ZMYM2: variants seen among roughly 807,000 people sequenced by gnomAD.
ZMYM2 encodes the protein zinc finger MYM-type protein 2.
ZMYM2 carries 56 observed loss-of-function variants against 162.8 expected under a neutral mutation model. The ratio of observed to expected loss-of-function variants is 0.34; its 90% CI spans 0.28 to 0.43. The LOEUF (loss-of-function observed/expected upper bound fraction) is 0.43, where lower values mean the gene tolerates loss of function less well. ZMYM2 is among the 20% of genes least tolerant of loss of function. The probability of loss-of-function intolerance (pLI) is 1.00; values close to 1 mark genes in which losing one functional copy is unlikely to be tolerated. For missense variants in ZMYM2, 1,275 were observed against 1,621.8 expected (o/e 0.79, Z 3.67); for synonymous variants, 510 against 541.6 (o/e 0.94, Z 0.81).
At chr13:19,986,104 C>T (rs1054986740) in intron 2 of ZMYM2, among the ~76,000 whole-genome samples, 6 of 151,502 alleles carry the variant, frequency 4.0e-5, no homozygotes, top group African/African-American at 7.3e-5. Context: ...CAGGAGGATC[C>T]GTTGAGTCCA....
the ZMYM2 span, among the ~76,000 whole-genome samples, chr13:19,875,355 C>T: frequency 7.9e-5 from 12 of 152,102 alleles, no homozygotes; most frequent in Admixed American, 2.6e-4. Flanking sequence ...TATTGCTGGG[C>T]GCAGCGGCTC....
chr13:19,941,193 C>T, the ZMYM2 span, among the ~76,000 whole-genome samples: 1 of 151,742 alleles, frequency 6.6e-6, no homozygotes, highest in Non-Finnish European at 1.5e-5. Context: ...CCTGTGGTCC[C>T]AGCTACTTGG....
intron 24 of ZMYM2, among the ~76,000 whole-genome samples, chr13:20,085,198 A>G (rs981454926): frequency 7.2e-5 from 11 of 152,150 alleles, no homozygotes; most frequent in Non-Finnish European, 1.5e-4. Flanking sequence ...CAGGTGTGGA[A>G]CTTTCCACTT....
At chr13:20,075,751 G>C (rs548310230) in intron 21 of ZMYM2, among the ~76,000 whole-genome samples, 4 of 127,266 alleles carry the variant, frequency 3.1e-5, no homozygotes, top group African/African-American at 1.2e-4. Flanking sequence ...GCGCCATCTC[G>C]GCTTAATGCA....
the ZMYM2 span, among the ~76,000 whole-genome samples, chr13:19,917,204 C>T: frequency 1.3e-5 from 2 of 152,050 alleles, no homozygotes; most frequent in South Asian, 2.1e-4. Context: ...CCTCGTGATC[C>T]GCCCGCCTTG....
chr13:19,920,524 AAG>A, the ZMYM2 span, among the ~76,000 whole-genome samples: 1 of 150,508 alleles, frequency 6.6e-6, no homozygotes, highest in African/African-American at 2.4e-5. Flanking sequence ...GGAGGGGAAA[AAG>A]AGAGACGGGA....
chr13:20,066,757 T>C (rs1956712069), intron 19 of ZMYM2, 94 bp from the exon 20 acceptor site: 10 of 1,264,872 alleles, frequency 7.9e-6, no homozygotes, highest in South Asian at 2.0e-5. Flanking sequence ...CAAGGGTCAA[T>C]TGTAATTTGC....
intron 21 of ZMYM2, among the ~76,000 whole-genome samples, chr13:20,071,479 T>G (rs1024501845): frequency 6.6e-6 from 1 of 152,228 alleles, no homozygotes; most frequent in African/African-American, 2.4e-5. Flanking sequence ...TTTTAAGTAC[T>G]CCTTTTGAGG....
chr13:20,055,757 C>A (rs1387108465), intron 14 of ZMYM2, among the ~76,000 whole-genome samples: 2 of 151,784 alleles, frequency 1.3e-5, no homozygotes, highest in Admixed American at 6.6e-5. Flanking sequence ...GGAAAAGATA[C>A]AATAATGACT....
intron 12 of ZMYM2, among the ~76,000 whole-genome samples, chr13:20,045,047 G>A: frequency 1.2e-5 from 1 of 80,890 alleles, no homozygotes; most frequent in East Asian, 3.4e-4. Context: ...AAGACTCTGT[G>A]TCAAAAAAAA....
At position 20,061,175 on chromosome 13, in the gene ZMYM2, G is replaced by A. The variant is rs368425010; in HGVS notation, c.2862G>A (p.Thr954=). ...DALDTELLTM[T]DMMSEDEGKT... ...TTGATACAGAGTTGCTTACAATGACGGATATGATGAGTGAAGACGAGGGGA... is the reference window on the plus strand; with the variant it reads ...TTGATACAGAGTTGCTTACAATGACAGATATGATGAGTGAAGACGAGGGGA... The change falls in exon 17 of 25, where the codon ACG becomes ACA. Residue 954 remains threonine (T), a synonymous_variant. Transcript: ENST00000610343. 7 of 1,613,602 alleles carry A rather than the reference G, an allele frequency of 4.3e-6. No homozygotes were observed. Among genetic ancestry groups the A allele is most frequent in the East Asian group, 2.2e-5 (1 of 44,866 alleles).
chr13:19,975,324 C>T (rs1300806641), intron 2 of ZMYM2, among the ~76,000 whole-genome samples: 1 of 152,044 alleles, frequency 6.6e-6, no homozygotes, highest in East Asian at 1.9e-4. Context: ...CAAATAGAAA[C>T]CATACTCATT....
At chr13:19,881,760 G>T in the ZMYM2 span, among the ~76,000 whole-genome samples, 176 of 152,152 alleles carry the variant, frequency 1.2e-3, 2 homozygotes, top group East Asian at 0.026. Flanking sequence ...GAGGCAGGTG[G>T]ATCACTTTGA....
intron 4 of ZMYM2, among the ~76,000 whole-genome samples, chr13:20,004,028 G>A (rs780419765): frequency 6.6e-6 from 1 of 152,122 alleles, no homozygotes; most frequent in Non-Finnish European, 1.5e-5. Flanking sequence ...GTAAAGCCTG[G>A]TGGCCTTTCT....
rs188858294 is a variant in ZMYM2, at chr13:20,072,115, G to A, written c.3453+4725G>A. 8.4e-4 allele frequency: 134 copies of A among 158,976 alleles called. 1 individual carries two copies. Among genetic ancestry groups the A allele is most frequent in the Admixed American group, 1.7e-3 (27 of 15,440 alleles). 9.8% of individuals were successfully genotyped at this position (158,976 alleles called of 1,614,324 possible). A position where few individuals can be genotyped will look rare whatever the true frequency, so the allele number is the denominator to read the frequency against. On this transcript the variant is annotated intron_variant, in intron 21 of 24. Coordinates refer to ENST00000610343, the MANE Select transcript of ZMYM2 (RefSeq NM_197968.4). ...ACTGTTTCCAGCCCCCTTTCTGGCC[G>A]GTTCAGAGAGGAAGACACCATTTTC...
At position 20,063,890 on chromosome 13, in the gene ZMYM2, TA is replaced by T. The variant is rs1956457394; in HGVS notation, c.3038-558del. 4.7e-4 allele frequency among the ~76,000 whole-genome samples: 4 copies of T among 8,574 alleles called. No homozygotes were observed. In the South Asian group the frequency reaches 0.018, roughly 39 times the overall value. The allele number at this position is 8,574 out of a possible 152,430, so 5.6% of individuals were successfully genotyped here. On this transcript the variant is annotated intron_variant, in intron 18 of 24. Transcript: ENST00000610343. ...ATATAAATATATACAATATATAATA[TA>T]AATATAATTTTATATATAATATATA...
chr13:20,068,882 C>T (rs985100437), intron 21 of ZMYM2, among the ~76,000 whole-genome samples: 1 of 152,140 alleles, frequency 6.6e-6, no homozygotes, highest in African/African-American at 2.4e-5. Flanking sequence ...CTTTTGGGGG[C>T]TGTGTTTTGG....
the ZMYM2 span, among the ~76,000 whole-genome samples, chr13:19,870,587 C>A: frequency 7.2e-6 from 1 of 138,784 alleles, no homozygotes; most frequent in Non-Finnish European, 1.5e-5. Flanking sequence ...TCCTTTCCTT[C>A]CTTCCTTCCT....
chr13:19,956,510 T>C (rs1954524633), upstream of ZMYM2, among the ~76,000 whole-genome samples: 1 of 152,260 alleles, frequency 6.6e-6, no homozygotes, highest in Non-Finnish European at 1.5e-5. Flanking sequence ...GACAAATACT[T>C]TCTTCCCAGT....
Sources: allele counts gnomAD v4.1 joint callset (sites outside exome capture counted in the v4.1 genomes callset), GRCh38; gene constraint gnomAD v4.1.1; transcripts MANE v1.5; gene names NCBI Gene and HGNC (gene_info 2026-07-23, HGNC 2026-07-21).